Variants in RSPH10B observed in about 807,000 individuals in gnomAD.
RSPH10B encodes the protein radial spoke head 10 homolog B, also known as radial spoke head 10 homolog B (Chlamydomonas).
In RSPH10B, 7 loss-of-function variants were observed where a neutral mutation model predicts 52.5. The ratio of observed to expected loss-of-function variants is 0.13; its 90% CI spans 0.08 to 0.25. The LOEUF is 0.25. Among genes scored for constraint, RSPH10B ranks in the 10% least tolerant of loss-of-function variants. The pLI is 1.00. For missense variants in RSPH10B, 89 were observed against 542.5 expected, an observed-to-expected ratio of 0.16 and a Z score of 8.30; for synonymous variants, 28 against 193.2, an observed-to-expected ratio of 0.14 and a Z score of 7.09.
intron 13 of RSPH10B, among the ~76,000 whole-genome samples, chr7:5,942,923 T>C (rs1201742042): frequency 4.2e-5 from 5 of 117,964 alleles, no homozygotes; most frequent in African/African-American, 1.2e-4. Context: ...TATATATATA[T>C]ATATTTTTTT....
At position 5,943,319 on chromosome 7, in the gene RSPH10B, G is replaced by A. The variant is rs1334378774; in HGVS notation, c.1758+5C>T. 10 of 1,535,366 alleles carry A rather than the reference G, an allele frequency of 6.5e-6. No individual in the cohort carries two copies. Among genetic ancestry groups the A allele is most frequent in the Non-Finnish European group, 7.9e-6 (9 of 1,141,692 alleles). On this transcript the variant is annotated splice_donor_5th_base_variant and intron_variant, in intron 13 of 18. Transcript: ENST00000337579. ...AGAAAGCCAATATCGAACTTAGGTG[G>A]TTACTTTCAGCATCCAGAGGAAGTG...
chr7:5,927,022 C>CGTGTGTGTGT (rs373901374), intron 18 of RSPH10B, among the ~76,000 whole-genome samples: 319 of 95,868 alleles, frequency 3.3e-3, no homozygotes, highest in African/African-American at 0.014. Context: ...CCCAAAGTTA[C>CGTGTGTGTGT]GTGTGTGTGT....
At chr7:5,928,525 A>AAGG (rs1779646275) in intron 17 of RSPH10B, 131 bp from the exon 20 acceptor site, 3 of 1,399,618 alleles carry the variant, frequency 2.1e-6, no homozygotes. Context: ...GGAGAGGAGT[A>AAGG]AGGACGCTGC....
intron 11 of RSPH10B, among the ~76,000 whole-genome samples, chr7:5,944,212 CATGGT>C (rs1175372074): frequency 2.6e-5 from 4 of 151,162 alleles, no homozygotes; most frequent in Non-Finnish European, 2.9e-5. Context: ...GCCTGGCCAA[CATGGT>C]GGAACCCCAT....
chr7:5,940,157 A>T (rs891199010), intron 13 of RSPH10B, among the ~76,000 whole-genome samples: 2 of 107,406 alleles, frequency 1.9e-5, no homozygotes, highest in African/African-American at 6.4e-5. Flanking sequence ...AGATCGTGCC[A>T]CCGCACTCCA....
Position 5,958,986 on chromosome 7 carries a change from T to C in RSPH10B, c.659+7A>G, listed in dbSNP as rs201508579. The C allele has an allele frequency of 6.2e-3, 8,182 of 1,326,412 alleles. 1,280 individuals carry two copies. Among genetic ancestry groups the C allele is most frequent in the Middle Eastern group, 0.019 (93 of 4,994 alleles). The allele number at this position is 1,326,412 out of a possible 1,614,324, so 82.2% of individuals were successfully genotyped here. A position where few individuals can be genotyped will look rare whatever the true frequency, so the allele number is the denominator to read the frequency against. On this transcript the variant is annotated splice_region_variant and intron_variant, in intron 5 of 18. Coordinates refer to ENST00000337579, the Ensembl canonical transcript of RSPH10B. ...TACACCCCAAGCGCGGCGGTGGTCA[T>C]ACCTACCATCTTATTCCCCAGCCCT...
At chr7:5,928,511 G>C (rs1321243280) in intron 17 of RSPH10B, 117 bp from the exon 20 acceptor site, 2 of 1,499,392 alleles carry the variant, frequency 1.3e-6, no homozygotes, top group Non-Finnish European at 9.3e-7. Flanking sequence ...TCGGCCAGGA[G>C]AGGGGAGAGG....
At chr7:5,958,156 C>G in intron 5 of RSPH10B, 129 bp from the exon 8 acceptor site, 1 of 303,564 alleles carries the variant, frequency 3.3e-6, no homozygotes, top group Non-Finnish European at 6.1e-6. Context: ...ATACAATCTT[C>G]TCTGTATTTA....
At chr7:5,968,499 G>GTTTATTTATTTATTTATTTA (rs547046490), upstream of RSPH10B, among the ~76,000 whole-genome samples, 78 of 79,564 alleles carry the variant, frequency 9.8e-4, no homozygotes, top group South Asian at 3.9e-3. Flanking sequence ...CTATGGGTTT[G>GTTTATTTATTTATTTATTTA]TTTATTTATT....
At chr7:5,929,066 T>C (rs942012357) in intron 17 of RSPH10B, among the ~76,000 whole-genome samples, 2 of 147,016 alleles carry the variant, frequency 1.4e-5, no homozygotes, top group Admixed American at 6.8e-5. Context: ...TGGAGTGCAG[T>C]GGCATGACCA....
upstream of RSPH10B, among the ~76,000 whole-genome samples, chr7:5,968,654 C>A (rs1402983275): frequency 1.9e-4 from 13 of 67,444 alleles, 3 homozygotes; most frequent in African/African-American, 6.1e-4. Context: ...CTACAGGCGC[C>A]CACCACCACA....
intron 13 of RSPH10B, among the ~76,000 whole-genome samples, chr7:5,942,189 T>TA (rs1780230259): frequency 6.9e-6 from 1 of 145,032 alleles, no homozygotes; most frequent in Non-Finnish European, 1.5e-5. Flanking sequence ...TCAGTTGACT[T>TA]TATTGCTATT....
rs1203059922 is a variant in RSPH10B at position 5,929,603 on chromosome 7, T to C, written c.2234-1209A>G. On this transcript the variant is annotated intron_variant, in intron 17 of 18. Coordinates refer to ENST00000337579, the Ensembl canonical transcript of RSPH10B. Reference sequence around the variant, plus strand: ...AGACAACGGGTTACTCTCACAAAAGTAATTTCCTAGTAGTTATAGTTATCC... The same window carrying C: ...AGACAACGGGTTACTCTCACAAAAGCAATTTCCTAGTAGTTATAGTTATCC... 6.0e-4 allele frequency among the ~76,000 whole-genome samples: 5 copies of C among 8,340 alleles called. No individual in the cohort carries two copies. In the East Asian group the frequency reaches 0.011, roughly 19 times the overall value. 5.5% of individuals were successfully genotyped at this position (8,340 alleles called of 152,430 possible).
chr7:5,947,860 T>TTG (rs201265529), intron 10 of RSPH10B, among the ~76,000 whole-genome samples: 2,344 of 90,722 alleles, frequency 0.026, 209 homozygotes, highest in African/African-American at 0.08. Flanking sequence ...CCCCTGCCTT[T>TTG]TGTGTGTGTG....
intron 13 of RSPH10B, among the ~76,000 whole-genome samples, chr7:5,939,970 GC>G (rs1337640467): frequency 2.8e-5 from 3 of 108,212 alleles, no homozygotes; most frequent in Non-Finnish European, 4.3e-5. Context: ...GCCGAGGCAG[GC>G]GGCTCACGAG....
At chr7:5,957,917 C>G (rs1189669673) in exon 6 of RSPH10B, 1 of 1,320,354 alleles carries the variant, frequency 7.6e-7, no homozygotes, top group East Asian at 4.0e-5. Flanking sequence ...CTGGATGCCC[C>G]TCTCCCACCG....
At chr7:5,950,303 G>A (rs1331891377) in intron 9 of RSPH10B, among the ~76,000 whole-genome samples, 1 of 152,010 alleles carries the variant, frequency 6.6e-6, no homozygotes, top group Non-Finnish European at 1.5e-5. Flanking sequence ...AGGTGCAGTG[G>A]CTCACGCCTG....
At chr7:5,926,848 G>C (rs879327857) in intron 18 of RSPH10B, among the ~76,000 whole-genome samples, 6 of 137,076 alleles carry the variant, frequency 4.4e-5, no homozygotes, top group African/African-American at 1.6e-4. Context: ...TCCGCCTCCC[G>C]AGTTCAAGCG....
At chr7:5,926,686 ACT>A (rs1476423289) in intron 18 of RSPH10B, 138 bp from the exon 21 acceptor site, 1 of 533,342 alleles carries the variant, frequency 1.9e-6, no homozygotes, top group Non-Finnish European at 3.4e-6. Context: ...AAGTTGCTAC[ACT>A]CTGCCTGAAA....
Sources: allele counts gnomAD v4.1 joint callset (sites outside exome capture counted in the v4.1 genomes callset), GRCh38; gene constraint gnomAD v4.1.1; transcripts MANE v1.5; gene names NCBI Gene and HGNC (gene_info 2026-07-23, HGNC 2026-07-21).